ANK3: variants seen among roughly 807,000 people sequenced by gnomAD.
ANK3 encodes ankyrin 3.
ANK3 carries 57 observed loss-of-function variants against 370.9 expected under a neutral mutation model. The ratio of observed to expected loss-of-function variants is 0.15; its 90% CI spans 0.12 to 0.19. The LOEUF is 0.19. Among genes scored for constraint, ANK3 ranks in the 10% least tolerant of loss-of-function variants. ANK3 has a pLI of 1.00. For synonymous variants in ANK3, 1,929 were observed against 1,946.3 expected, an observed-to-expected ratio of 0.99 and a Z score of 0.23; for missense variants, 4,439 against 5,302.1, an observed-to-expected ratio of 0.84 and a Z score of 5.06.
At chr10:60,326,426 C>T (rs1016749606) in intron 1 of ANK3, among the ~76,000 whole-genome samples, 2 of 152,152 alleles carry the variant, frequency 1.3e-5, no homozygotes, top group African/African-American at 2.4e-5. Flanking sequence ...TCAGTGAGAG[C>T]CCGTACCTTA....
chr10:60,394,351 A>T (rs989537644), upstream of ANK3, among the ~76,000 whole-genome samples: 2 of 152,006 alleles, frequency 1.3e-5, no homozygotes, highest in Admixed American at 6.6e-5. Flanking sequence ...AAAAACTGTG[A>T]CTGGATAGCA....
intron 16 of ANK3, 30 bp downstream of exon 16, chr10:60,196,115 A>T (rs776847387): frequency 1.9e-6 from 3 of 1,586,718 alleles, no homozygotes; most frequent in African/African-American, 1.3e-5. Context: ...CTTACCCATC[A>T]GTCTCCTTAG....
At chr10:60,034,252 G>A (rs749033016) in intron 43 of ANK3, among the ~76,000 whole-genome samples, 14 of 151,968 alleles carry the variant, frequency 9.2e-5, no homozygotes, top group East Asian at 1.9e-4. Context: ...GATTAAAGGC[G>A]CCCACCACCA....
At chr10:60,283,396 T>C (rs2098195513) in intron 1 of ANK3, among the ~76,000 whole-genome samples, 1 of 152,112 alleles carries the variant, frequency 6.6e-6, no homozygotes. Context: ...ATATCTAAGA[T>C]GCATCCAAAA....
At chr10:60,328,504 T>C (rs2132926324) in intron 1 of ANK3, among the ~76,000 whole-genome samples, 1 of 152,282 alleles carries the variant, frequency 6.6e-6, no homozygotes. Context: ...AATCAATGTT[T>C]ATGTACCTCT....
intron 2 of ANK3, among the ~76,000 whole-genome samples, chr10:60,483,422 C>T (rs907234301): frequency 6.6e-6 from 1 of 152,130 alleles, no homozygotes; most frequent in Non-Finnish European, 1.5e-5. Context: ...AGGTATAAGT[C>T]TGTAAATAAC....
At chr10:60,461,618 T>C (rs1419367312) in intron 2 of ANK3, among the ~76,000 whole-genome samples, 1 of 151,908 alleles carries the variant, frequency 6.6e-6, no homozygotes, top group Non-Finnish European at 1.5e-5. Flanking sequence ...CCATCAAAAA[T>C]TGCAGCAAAA....
intron 1 of ANK3, among the ~76,000 whole-genome samples, chr10:60,317,468 C>T (rs61847720): frequency 6.6e-6 from 1 of 152,102 alleles, no homozygotes; most frequent in Non-Finnish European, 1.5e-5. Context: ...CCCCATCCTC[C>T]TTAGCCTGCT....
intron 1 of ANK3, among the ~76,000 whole-genome samples, chr10:60,659,012 T>A (rs2078903371): frequency 6.6e-6 from 1 of 151,944 alleles, no homozygotes; most frequent in African/African-American, 2.4e-5. Flanking sequence ...CAAATACTAC[T>A]AAATAGTTCG....
intron 1 of ANK3, among the ~76,000 whole-genome samples, chr10:60,306,959 G>A (rs2045277954): frequency 6.6e-6 from 1 of 152,004 alleles, no homozygotes; most frequent in Non-Finnish European, 1.5e-5. Flanking sequence ...CAAACTTCTG[G>A]CCTCAAGCGA....
intron 1 of ANK3, among the ~76,000 whole-genome samples, chr10:60,649,231 T>C (rs936887400): frequency 6.6e-6 from 1 of 152,024 alleles, no homozygotes; most frequent in African/African-American, 2.4e-5. Flanking sequence ...AGGAAAAGCA[T>C]AGAGCAAGTC....
chr10:60,031,374 C>G (rs1217184966), intron 43 of ANK3, among the ~76,000 whole-genome samples: 1 of 152,084 alleles, frequency 6.6e-6, no homozygotes, highest in Non-Finnish European at 1.5e-5. Flanking sequence ...ACCAGTCTTA[C>G]TGTGTCAAAA....
intron 1 of ANK3, among the ~76,000 whole-genome samples, chr10:60,316,562 GTTAA>G (rs1362630021): frequency 2.0e-5 from 3 of 152,112 alleles, no homozygotes; most frequent in East Asian, 1.9e-4. Flanking sequence ...ATACAATGAG[GTTAA>G]TTAATGTATA....
At chr10:60,645,338 C>A (rs2078696172) in intron 1 of ANK3, among the ~76,000 whole-genome samples, 1 of 152,184 alleles carries the variant, frequency 6.6e-6, no homozygotes, top group Non-Finnish European at 1.5e-5. Context: ...TGCATTTTGA[C>A]ATGAGTAATT....
At chr10:60,465,787 T>C (rs1310461279) in intron 2 of ANK3, among the ~76,000 whole-genome samples, 2 of 150,238 alleles carry the variant, frequency 1.3e-5, no homozygotes, top group Non-Finnish European at 1.5e-5. Flanking sequence ...TTTTTTTTCT[T>C]TCTTTTTTTT....
intron 41 of ANK3, among the ~76,000 whole-genome samples, chr10:60,057,587 A>G (rs1172314136): frequency 1.3e-5 from 2 of 152,176 alleles, no homozygotes; most frequent in African/African-American, 4.8e-5. Flanking sequence ...TTAATTTTCT[A>G]TTCCCCAGTC....
intron 1 of ANK3, among the ~76,000 whole-genome samples, chr10:60,619,034 CCT>C (rs1397203381): frequency 6.6e-6 from 1 of 152,020 alleles, no homozygotes; most frequent in Non-Finnish European, 1.5e-5. Context: ...CCCAGGCCAT[CCT>C]CTTTCTTTAG....
At chr10:60,298,140 A>G (rs2042933778) in intron 1 of ANK3, among the ~76,000 whole-genome samples, 1 of 152,212 alleles carries the variant, frequency 6.6e-6, no homozygotes, top group African/African-American at 2.4e-5. Context: ...TAAAATGCAC[A>G]CTAAAATTGG....
intron 1 of ANK3, among the ~76,000 whole-genome samples, chr10:60,688,942 C>T (rs143335022): frequency 1.4e-5 from 2 of 142,122 alleles, no homozygotes; most frequent in East Asian, 2.1e-4. Context: ...AGTGAGACTC[C>T]GTTTCAAAAA....
Sources: gnomAD v4.1 joint callset for allele counts (sites outside exome capture counted in the v4.1 genomes callset) on GRCh38, gnomAD v4.1.1 for gene constraint, MANE v1.5 for transcripts, NCBI Gene and HGNC (gene_info 2026-07-23, HGNC 2026-07-21) for gene names.